Variants in DENND1A observed in about 807,000 individuals in gnomAD.
The protein encoded by DENND1A is DENN domain-containing protein 1A.
Under a neutral mutation model 113.7 loss-of-function variants are expected in DENND1A, and 51 were observed. The ratio of observed to expected loss-of-function variants is 0.45; its 90% CI spans 0.36 to 0.57. The LOEUF (loss-of-function observed/expected upper bound fraction) is 0.57, where lower values mean the gene tolerates loss of function less well. Among genes scored for constraint, DENND1A ranks in the 20% least tolerant of loss-of-function variants. The pLI, the probability that DENND1A is intolerant of heterozygous loss-of-function variation, is 0.00. For synonymous variants in DENND1A, 565 were observed against 570.8 expected (o/e 0.99, Z 0.14); for missense variants, 1,258 against 1,395.9 (o/e 0.90, Z 1.57).
chr9:123,758,019 T>C (rs1038648554), intron 4 of DENND1A, among the ~76,000 whole-genome samples, 197 bp from the exon 5 acceptor site: 4 of 150,858 alleles, frequency 2.7e-5, no homozygotes, highest in Admixed American at 2.6e-4. Flanking sequence ...CCTATTCTAG[T>C]GACCACCTCA....
At chr9:123,759,885 G>A (rs953439133) in intron 4 of DENND1A, 8 of 152,150 alleles carry the variant, frequency 5.3e-5, no homozygotes, top group African/African-American at 1.9e-4. Flanking sequence ...TAAATGCTTA[G>A]ATCCCATAAA....
chr9:123,895,179 C>A (rs1850531035), intron 1 of DENND1A, among the ~76,000 whole-genome samples: 1 of 152,070 alleles, frequency 6.6e-6, no homozygotes, highest in South Asian at 2.1e-4. Flanking sequence ...AGCAATCCTC[C>A]CACTTCAGCC....
intron 9 of DENND1A, among the ~76,000 whole-genome samples, chr9:123,637,731 G>A (rs1281186540): frequency 6.6e-6 from 1 of 152,082 alleles, no homozygotes; most frequent in Non-Finnish European, 1.5e-5. Context: ...GACAGATGCC[G>A]GACATGTGAG....
Position 123,607,629 on chromosome 9 carries a change from T to A in DENND1A, c.765+1807A>T, listed in dbSNP as rs187104525. On this transcript the variant is annotated intron_variant, in intron 11 of 23. Coordinates refer to ENST00000394215, the MANE Select transcript of DENND1A (RefSeq NM_001352964.2). ...GACTGGGGGAGACATCCGTAGTACA[T>A]CCAGGTGAAATCCAACTGGCACTTT... 1.3e-4 allele frequency among the ~76,000 whole-genome samples: 18 copies of A among 143,642 alleles called. No homozygotes were observed. The East Asian group carries it at 3.9e-3, about 31-fold the overall frequency. 94.2% of individuals were successfully genotyped at this position (143,642 alleles called of 152,430 possible). A position where few individuals can be genotyped will look rare whatever the true frequency, so the allele number is the denominator to read the frequency against.
intron 5 of DENND1A, among the ~76,000 whole-genome samples, chr9:123,752,200 G>T (rs190637429): frequency 6.6e-6 from 1 of 152,228 alleles, no homozygotes; most frequent in African/African-American, 2.4e-5. Flanking sequence ...GATATCTGAA[G>T]AGTTTTCAAA....
chr9:123,671,143 C>G (rs1564920339), intron 7 of DENND1A, 148 bp downstream of exon 7: 1 of 864,846 alleles, frequency 1.2e-6, no homozygotes, highest in Non-Finnish European at 1.9e-6. Context: ...TACTCTCTGG[C>G]CTATCTTGAA....
At chr9:123,538,855 T>TATACAC (rs1554864506) in intron 13 of DENND1A, among the ~76,000 whole-genome samples, 8 of 101,288 alleles carry the variant, frequency 7.9e-5, no homozygotes, top group African/African-American at 1.5e-4. Context: ...TATATATATA[T>TATACAC]ATATGAATTC....
intron 21 of DENND1A, chr9:123,402,036 C>A: frequency 7.6e-7 from 1 of 1,318,036 alleles, no homozygotes; most frequent in Non-Finnish European, 1.1e-6. Flanking sequence ...AGAAATGTGA[C>A]AAATTTCATC....
chr9:123,655,147 C>A (rs781340974), intron 8 of DENND1A, among the ~76,000 whole-genome samples: 4 of 152,194 alleles, frequency 2.6e-5, no homozygotes, highest in Non-Finnish European at 4.4e-5. Context: ...GTCACCTCCT[C>A]CCGGGAGACT....
intron 18 of DENND1A, among the ~76,000 whole-genome samples, chr9:123,448,280 T>G (rs1048531152): frequency 2.6e-5 from 4 of 152,204 alleles, no homozygotes; most frequent in Admixed American, 2.6e-4. Context: ...AACAACCACA[T>G]TAAAAAATCT....
chr9:123,864,480 G>A (rs1357924258), intron 2 of DENND1A, among the ~76,000 whole-genome samples: 5 of 152,138 alleles, frequency 3.3e-5, no homozygotes, highest in African/African-American at 4.8e-5. Flanking sequence ...GCCGAGGCCC[G>A]GGGTAAATGC....
chr9:123,548,134 T>C (rs564681967), intron 13 of DENND1A, among the ~76,000 whole-genome samples: 20 of 152,298 alleles, frequency 1.3e-4, no homozygotes, highest in Middle Eastern at 3.4e-3. Flanking sequence ...GTGGCCTCCT[T>C]AGCCACTTAG....
At chr9:123,865,779 TAA>T (rs1845728368) in intron 2 of DENND1A, among the ~76,000 whole-genome samples, 1 of 152,102 alleles carries the variant, frequency 6.6e-6, no homozygotes, top group Admixed American at 6.5e-5. Flanking sequence ...GGAAGGAAAT[TAA>T]GTAATTTGCC....
chr9:123,697,075 C>A (rs2065568807), intron 5 of DENND1A, among the ~76,000 whole-genome samples: 1 of 152,128 alleles, frequency 6.6e-6, no homozygotes, highest in Non-Finnish European at 1.5e-5. Context: ...TAAGAGTAAT[C>A]CCCAAATTCT....
At chr9:123,429,558 A>AAAAC (rs1249864230) in intron 19 of DENND1A, among the ~76,000 whole-genome samples, 4 of 152,162 alleles carry the variant, frequency 2.6e-5, no homozygotes, top group African/African-American at 9.7e-5. Flanking sequence ...CTGTCTCAAA[A>AAAAC]AAACAAACAA....
intron 22 of DENND1A, among the ~76,000 whole-genome samples, chr9:123,386,467 C>T (rs546676390): frequency 2.7e-5 from 4 of 149,512 alleles, no homozygotes; most frequent in African/African-American, 9.9e-5. Context: ...CTGCAACCTC[C>T]GCCTCCCGGG....
chr9:123,772,270 G>A (rs185837107), intron 3 of DENND1A, among the ~76,000 whole-genome samples: 2 of 151,836 alleles, frequency 1.3e-5, no homozygotes, highest in African/African-American at 4.8e-5. Context: ...AAAATTATTC[G>A]AATATGAAAA....
chr9:123,565,946 AAATGAC>A (rs567582275), intron 12 of DENND1A, among the ~76,000 whole-genome samples: 115 of 152,376 alleles, frequency 7.5e-4, no homozygotes, highest in South Asian at 3.3e-3. Context: ...ACTAGTTCCC[AAATGAC>A]AATGACAAGT....
intron 3 of DENND1A, among the ~76,000 whole-genome samples, chr9:123,789,906 G>C (rs1413428319): frequency 6.6e-6 from 1 of 151,988 alleles, no homozygotes; most frequent in Admixed American, 6.6e-5. Context: ...CAATGTGCTG[G>C]TACATGGGAA....
Sources: gnomAD v4.1 joint callset for allele counts (sites outside exome capture counted in the v4.1 genomes callset) on GRCh38, gnomAD v4.1.1 for gene constraint, MANE v1.5 for transcripts, NCBI Gene and HGNC (gene_info 2026-07-23, HGNC 2026-07-21) for gene names.